Variants in ERBB2 observed in about 807,000 individuals in gnomAD.
The protein encoded by ERBB2 is receptor tyrosine-protein kinase erbB-2.
A neutral mutation model predicts 149.0 loss-of-function variants in ERBB2; 61 were observed. The observed-to-expected ratio is 0.41, with a 90% confidence interval of 0.33 to 0.51. The LOEUF (loss-of-function observed/expected upper bound fraction) is 0.51, where lower values mean the gene tolerates loss of function less well. ERBB2 is among the 20% of genes least tolerant of loss of function. The pLI is 0.25. For synonymous variants in ERBB2, 633 were observed against 678.8 expected (o/e 0.93, Z 1.05); for missense variants, 1,205 against 1,655.1 (o/e 0.73, Z 4.72).
At chr17:39,716,015 G>C in intron 12 of ERBB2, 76 bp downstream of exon 12, 1 of 1,430,100 alleles carries the variant, frequency 7.0e-7, no homozygotes, top group Non-Finnish European at 9.6e-7. Flanking sequence ...TGGCAGCAGC[G>C]TTCTTGGACT....
chr17:39,694,300 TGTGTATATATATATACAC>T (rs1423613597), upstream of ERBB2, among the ~76,000 whole-genome samples: 9 of 58,452 alleles, frequency 1.5e-4, no homozygotes, highest in Non-Finnish European at 3.4e-4. Flanking sequence ...CACATATATA[TGTGTATATATATATACAC>T]ACACACATAT....
chr17:39,720,627 C>T (rs1261536879), intron 16 of ERBB2, among the ~76,000 whole-genome samples: 2 of 152,100 alleles, frequency 1.3e-5, no homozygotes, highest in Admixed American at 1.3e-4. Context: ...CACCCGGGAG[C>T]TCCATCTATC....
rs753995604 is a variant in ERBB2 at position 39,723,502 on chromosome 17, G to A, written c.2086-36G>A. On this transcript the variant is annotated intron_variant, in intron 17 of 26. Transcript: ENST00000269571. The surrounding 1 kb of genome is among the most constrained non-coding windows in gnomAD (Gnocchi z 6.2). Reference sequence around the variant, plus strand: ...TCCCAGCCCGCGTGGGGTCTGCACCGGCCCCCGGCACTGACCCACCACCCC... The same window carrying A: ...TCCCAGCCCGCGTGGGGTCTGCACCAGCCCCCGGCACTGACCCACCACCCC... 1.2e-5 allele frequency: 19 copies of A among 1,613,498 alleles called. No individual in the cohort carries two copies. The highest frequency in any genetic ancestry group is 1.7e-5 in the Admixed American group (1 of 59,962).
intron 3 of ERBB2, among the ~76,000 whole-genome samples, chr17:39,708,784 TG>T (rs2058617300): frequency 6.6e-6 from 1 of 152,026 alleles, no homozygotes; most frequent in Admixed American, 6.5e-5. Context: ...CTTGGCTGAG[TG>T]AAGTGTACAG....
At chr17:39,708,723 G>A (rs1370277239) in intron 3 of ERBB2, among the ~76,000 whole-genome samples, 189 bp downstream of exon 3, 1 of 152,168 alleles carries the variant, frequency 6.6e-6, no homozygotes, top group Non-Finnish European at 1.5e-5. Context: ...TGTAGCTTGC[G>A]TCAGCACATA....
intron 5 of ERBB2, 58 bp from the exon 6 acceptor site, chr17:39,710,028 G>T: frequency 6.5e-7 from 1 of 1,532,088 alleles, no homozygotes. Context: ...AGGTGATGCT[G>T]ATGAGGGTCT....
chr17:39,699,951 C>T, upstream of ERBB2: 1 of 1,175,822 alleles, frequency 8.5e-7, no homozygotes, highest in Non-Finnish European at 1.1e-6. Flanking sequence ...TGTTGGAATG[C>T]AGTTGGAGGG....
rs113170070 is a variant in ERBB2, at chr17:39,709,882, G to A, written c.643+1G>A. 4 of 1,613,108 alleles carry A rather than the reference G, an allele frequency of 2.5e-6. No homozygotes were observed. The highest frequency in any genetic ancestry group is 1.3e-5 in the African/African-American group (1 of 74,912). On this transcript the variant is annotated splice_donor_variant, in intron 5 of 26. Transcript: ENST00000269571. LOFTEE classifies it high-confidence loss of function. The stretch of plus-strand genomic sequence containing the variant: ...GAGAGTTCTGAGGATTGTCAGAGCC[G>A]TGAGTCTCAGGGAGGCCTGGAGTCA...
intron 2 of ERBB2, chr17:39,707,968 C>T (rs892121497): frequency 4.8e-6 from 1 of 206,492 alleles, no homozygotes; most frequent in Non-Finnish European, 9.8e-6. Context: ...CATTGTACTC[C>T]AGCCTGGGCA....
chr17:39,726,512 G>T lies in ERBB2; in HGVS notation c.2873-50G>T, dbSNP rs772543431. On this transcript the variant is annotated intron_variant, in intron 23 of 26. Transcript: ENST00000269571. This position sits in a 1 kb window ranked among gnomAD's most constrained non-coding sequence, Gnocchi z 5.1. ...GAGGGGGAGTGGGAGGGGAGAGGCAGCAAGCACACAGGGCCTGGGACTAGC... is the reference window on the plus strand; with the variant it reads ...GAGGGGGAGTGGGAGGGGAGAGGCATCAAGCACACAGGGCCTGGGACTAGC... 1.3e-5 allele frequency: 20 copies of T among 1,503,110 alleles called. No individual in the cohort carries two copies. The highest frequency in any genetic ancestry group is 1.8e-5 in the Non-Finnish European group (19 of 1,080,356). The allele number at this position is 1,503,110 out of a possible 1,614,324, so 93.1% of individuals were successfully genotyped here.
At chr17:39,691,546 T>TAAAAAAAAAAAAAAAA (rs557885708), upstream of ERBB2, among the ~76,000 whole-genome samples, 3 of 108,478 alleles carry the variant, frequency 2.8e-5, no homozygotes, top group African/African-American at 1.5e-4. Flanking sequence ...CCATCTACAT[T>TAAAAAAAAAAAAAAAA]AAAAAAAAAA....
chr17:39,726,599 G>C lies in ERBB2; in HGVS notation c.2910G>C (p.Arg970=), dbSNP rs2143135532. The C allele has an allele frequency of 6.2e-7, 1 of 1,614,178 alleles. No homozygotes were observed. The highest frequency in any genetic ancestry group is 8.5e-7 in the Non-Finnish European group (1 of 1,180,024). ...MIDSECRPRF[R]ELVSEFSRMA... ...ACTCTGAATGTCGGCCAAGATTCCG[G>C]GAGTTGGTGTCTGAATTCTCCCGCA... Residue 970 remains arginine, a synonymous_variant, in exon 24 of 27, where the codon CGG becomes CGC. Transcript: ENST00000269571. The surrounding 1 kb of genome is among the most constrained non-coding windows in gnomAD (Gnocchi z 5.1).
chr17:39,690,320 G>A (rs964256761), upstream of ERBB2, among the ~76,000 whole-genome samples: 5 of 152,092 alleles, frequency 3.3e-5, no homozygotes, highest in East Asian at 1.9e-4. Flanking sequence ...TCCTGGGCTC[G>A]AGTGATCCTC....
chr17:39,717,328 C>A lies in ERBB2; in HGVS notation c.1746C>A (p.Asp582Glu). The change falls in exon 15 of 27, where the codon GAC becomes GAA. Residue 582 changes from aspartate to glutamate, a missense_variant. This residue lies in a region of ERBB2 where 569 missense variants were observed against 803.5 expected (regional missense o/e 0.71). Transcript: ENST00000269571. ...TTTTCTGCCCCCCCCAGGAGGCTGA[C>A]CAGTGTGTGGCCTGTGCCCACTATA... ...GSVTCFGPEA[D>E]QCVACAHYKD... 2 of 1,609,166 alleles carry A rather than the reference C, an allele frequency of 1.2e-6. No individual in the cohort carries two copies. The highest frequency in any genetic ancestry group is 1.7e-6 in the Non-Finnish European group (2 of 1,178,036).
chr17:39,720,028 C>T (rs751086986), intron 16 of ERBB2, 194 bp downstream of exon 16: 12 of 597,150 alleles, frequency 2.0e-5, no homozygotes, highest in Non-Finnish European at 3.6e-5. Context: ...GAGGGGACTG[C>T]AAGGAAAGAT....
intron 2 of ERBB2, among the ~76,000 whole-genome samples, chr17:39,689,748 A>C (rs2057650847): frequency 6.6e-6 from 1 of 152,078 alleles, no homozygotes; most frequent in South Asian, 2.1e-4. Flanking sequence ...TCTACTAAAA[A>C]TACAAAATTA....
intron 12 of ERBB2, 35 bp from the exon 13 acceptor site, chr17:39,716,266 A>G (rs1200714233): frequency 2.0e-6 from 3 of 1,534,194 alleles, no homozygotes; most frequent in Non-Finnish European, 1.7e-6. Flanking sequence ...GGCCTCCCCT[A>G]AAAGTCCCCT....
At chr17:39,716,011 C>T in intron 12 of ERBB2, 72 bp downstream of exon 12, 3 of 1,458,634 alleles carry the variant, frequency 2.1e-6, no homozygotes, top group Non-Finnish European at 9.4e-7. Context: ...GCCCTGGCAG[C>T]AGCGTTCTTG....
chr17:39,691,904 T>TAGATATATATACATATAC (rs1386573320), upstream of ERBB2, among the ~76,000 whole-genome samples: 19 of 114,532 alleles, frequency 1.7e-4, no homozygotes, highest in African/African-American at 5.4e-4. Flanking sequence ...GATATAGATA[T>TAGATATATATACATATAC]ATATACATAT....
Sources: gnomAD v4.1 joint callset for allele counts (sites outside exome capture counted in the v4.1 genomes callset) on GRCh38, gnomAD v4.1.1 for gene constraint, gnomAD v4.1.1 regional missense constraint, Gnocchi (gnomAD v3.1) non-coding constraint, MANE v1.5 for transcripts, NCBI Gene and HGNC (gene_info 2026-07-23, HGNC 2026-07-21) for gene names.